TAFA1: variants seen among roughly 807,000 people sequenced by gnomAD.
The protein encoded by TAFA1 is TAFA chemokine like family member 1, also known as chemokine-like protein TAFA-1.
A neutral mutation model predicts 18.5 loss-of-function variants in TAFA1; 4 were observed. The ratio of observed to expected loss-of-function variants is 0.22; its 90% CI spans 0.11 to 0.49. The LOEUF is 0.49. Among genes scored for constraint, TAFA1 ranks in the 20% least tolerant of loss-of-function variants. The pLI is 0.98. For synonymous variants in TAFA1, 56 were observed against 55.2 expected (o/e 1.01, Z -0.06); for missense variants, 147 against 169.0 (o/e 0.87, Z 0.72).
At chr3:68,388,018 T>G (rs2070141081) in intron 2 of TAFA1, among the ~76,000 whole-genome samples, 2 of 152,210 alleles carry the variant, frequency 1.3e-5, no homozygotes, top group Admixed American at 6.5e-5. Context: ...GAATGAATGT[T>G]AAGCCTTAAT....
chr3:68,067,146 T>C (rs1418399485), intron 2 of TAFA1, among the ~76,000 whole-genome samples: 1 of 152,146 alleles, frequency 6.6e-6, no homozygotes, highest in Admixed American at 6.5e-5. Flanking sequence ...ATGAGATTAG[T>C]TTTCCTCAAA....
intron 2 of TAFA1, among the ~76,000 whole-genome samples, chr3:68,282,503 G>T (rs974172480): frequency 6.6e-6 from 1 of 152,062 alleles, no homozygotes; most frequent in Non-Finnish European, 1.5e-5. Context: ...AGCTTTCAAG[G>T]TTCCCCAGGC....
At chr3:68,535,071 AG>A (rs1452539100) in intron 3 of TAFA1, among the ~76,000 whole-genome samples, 1 of 152,190 alleles carries the variant, frequency 6.6e-6, no homozygotes, top group Non-Finnish European at 1.5e-5. Flanking sequence ...TTGAAATATT[AG>A]GTGGGGTTTA....
intron 2 of TAFA1, among the ~76,000 whole-genome samples, chr3:68,172,777 A>G (rs13068974): frequency 0.19 from 29,101 of 152,210 alleles, 3,143 homozygotes; most frequent in Middle Eastern, 0.29. Context: ...CAAAGGGCGC[A>G]TAATAGATTA....
At chr3:68,302,495 A>T (rs887357481) in intron 2 of TAFA1, among the ~76,000 whole-genome samples, 1 of 152,166 alleles carries the variant, frequency 6.6e-6, no homozygotes, top group Non-Finnish European at 1.5e-5. Context: ...AATGACAATG[A>T]ACTCCCCCAG....
intron 2 of TAFA1, among the ~76,000 whole-genome samples, chr3:68,326,500 G>T (rs1355749966): frequency 6.6e-6 from 1 of 152,182 alleles, no homozygotes; most frequent in Non-Finnish European, 1.5e-5. Flanking sequence ...CTTGGAACAT[G>T]TTGACCTGAG....
chr3:68,297,977 T>A (rs1491741), intron 2 of TAFA1, among the ~76,000 whole-genome samples: 1 of 152,316 alleles, frequency 6.6e-6, no homozygotes, highest in African/African-American at 2.4e-5. Flanking sequence ...TTCTTGCAAT[T>A]GATTTAATTT....
At chr3:68,109,880 C>T (rs150317585) in intron 2 of TAFA1, among the ~76,000 whole-genome samples, 1 of 152,130 alleles carries the variant, frequency 6.6e-6, no homozygotes, top group Non-Finnish European at 1.5e-5. Context: ...ACTTCAAGTT[C>T]AACTGGAAGC....
intron 2 of TAFA1, among the ~76,000 whole-genome samples, chr3:68,116,626 C>T (rs1471703474): frequency 2.6e-5 from 4 of 152,192 alleles, no homozygotes; most frequent in African/African-American, 9.7e-5. Context: ...ACCCTAGTTT[C>T]AGGTCATCAA....
At chr3:68,112,846 G>A (rs2065277175) in intron 2 of TAFA1, among the ~76,000 whole-genome samples, 1 of 151,666 alleles carries the variant, frequency 6.6e-6, no homozygotes, top group Admixed American at 6.6e-5. Flanking sequence ...TACTAAGAAT[G>A]CAATTATAAA....
rs147644052 is a variant in TAFA1 at position 68,133,809 on chromosome 3, G to C, written c.118+127065G>C. Among the ~76,000 whole-genome samples the C allele has an allele frequency of 1.4e-3, 218 of 152,046 alleles. 1 individual carries two copies. The highest frequency in any genetic ancestry group is 2.8e-3 in the Non-Finnish European group (190 of 67,996). On this transcript the variant is annotated intron_variant, in intron 2 of 4. Transcript: ENST00000478136. ...AGCATGGCAGTCCATGGATGCCAAAGTGGCAGAGGACACAGTCTTTGCCCT... is the reference window on the plus strand; with the variant it reads ...AGCATGGCAGTCCATGGATGCCAAACTGGCAGAGGACACAGTCTTTGCCCT...
At chr3:68,395,443 A>G (rs1559650185) in intron 2 of TAFA1, among the ~76,000 whole-genome samples, 1 of 152,214 alleles carries the variant, frequency 6.6e-6, no homozygotes, top group African/African-American at 2.4e-5. Context: ...ATTACTGGCT[A>G]TATACCCAAA....
chr3:68,346,024 A>G (rs1575794193), intron 2 of TAFA1, among the ~76,000 whole-genome samples: 2 of 152,080 alleles, frequency 1.3e-5, no homozygotes, highest in African/African-American at 4.8e-5. Context: ...TCTTTTTTTT[A>G]CACTGTTTCC....
At chr3:68,367,875 G>A (rs1284054891) in intron 2 of TAFA1, among the ~76,000 whole-genome samples, 1 of 152,146 alleles carries the variant, frequency 6.6e-6, no homozygotes, top group Non-Finnish European at 1.5e-5. Context: ...AAGGACAACT[G>A]CTTGGGTGAA....
At chr3:68,252,579 A>ATC in intron 2 of TAFA1, among the ~76,000 whole-genome samples, 1 of 152,226 alleles carries the variant, frequency 6.6e-6, no homozygotes, top group East Asian at 1.9e-4. Context: ...ATCGTCAGGC[A>ATC]TCTCTCTTAT....
intron 2 of TAFA1, among the ~76,000 whole-genome samples, chr3:68,199,747 T>C: frequency 6.6e-6 from 1 of 151,518 alleles, no homozygotes; most frequent in Non-Finnish European, 1.5e-5. Flanking sequence ...AGGTGTGTTT[T>C]TCAGTTAAAT....
At chr3:67,993,707 C>T in the TAFA1 span, among the ~76,000 whole-genome samples, 1 of 152,104 alleles carries the variant, frequency 6.6e-6, no homozygotes, top group South Asian at 2.1e-4. Flanking sequence ...GTTTAGTATA[C>T]CAGTACATCT....
chr3:68,135,580 C>G (rs1479514568), intron 2 of TAFA1, among the ~76,000 whole-genome samples: 1 of 152,212 alleles, frequency 6.6e-6, no homozygotes, highest in African/African-American at 2.4e-5. Context: ...TTGTAAACCA[C>G]CATCTCATAG....
At chr3:68,071,203 C>T (rs1187654935) in intron 2 of TAFA1, among the ~76,000 whole-genome samples, 3 of 152,216 alleles carry the variant, frequency 2.0e-5, no homozygotes, top group Admixed American at 2.0e-4. Context: ...CTGAGGAGGC[C>T]TCTCAATCAT....
Sources: allele counts gnomAD v4.1 joint callset (sites outside exome capture counted in the v4.1 genomes callset), GRCh38; gene constraint gnomAD v4.1.1; transcripts MANE v1.5; gene names NCBI Gene and HGNC (gene_info 2026-07-23, HGNC 2026-07-21).